The following EXOC2 variants were observed in gnomAD, a reference collection of about 807,000 sequenced individuals.
The protein encoded by EXOC2 is exocyst complex component 2, also known as SEC5-like 1.
Under a neutral mutation model 131.8 loss-of-function variants are expected in EXOC2, and 70 were observed. The observed-to-expected ratio is 0.53, with a 90% CI of 0.44 to 0.65. EXOC2 has a LOEUF of 0.65. Among genes scored for constraint, EXOC2 ranks in the 30% least tolerant of loss-of-function variants. The pLI is 0.00. For missense variants in EXOC2, 923 were observed against 1,108.6 expected (o/e 0.83, Z 2.38); for synonymous variants, 411 against 398.4 (o/e 1.03, Z -0.38).
At chr6:499,572 AT>A in intron 24 of EXOC2, 72 bp downstream of exon 24, 1 of 1,347,310 alleles carries the variant, frequency 7.4e-7, no homozygotes, top group Non-Finnish European at 1.0e-6. Context: ...CATAGAAATA[AT>A]CAAATTTACA....
chr6:664,139 G>A (rs757285056), intron 1 of EXOC2, among the ~76,000 whole-genome samples: 19 of 152,194 alleles, frequency 1.2e-4, no homozygotes, highest in Non-Finnish European at 2.6e-4. Context: ...TATAGCGAAA[G>A]CAACCAAGTG....
At chr6:658,772 T>C (rs1460878637) in intron 1 of EXOC2, among the ~76,000 whole-genome samples, 1 of 150,858 alleles carries the variant, frequency 6.6e-6, no homozygotes, top group Non-Finnish European at 1.5e-5. Context: ...AGCGATTCTC[T>C]TGCCTCAGCC....
chr6:593,762 G>C (rs1354738186), intron 10 of EXOC2, among the ~76,000 whole-genome samples: 1 of 152,208 alleles, frequency 6.6e-6, no homozygotes. Context: ...AATGGCTCCA[G>C]GCTGACCTTG....
Position 537,165 on chromosome 6 carries a change from C to T in EXOC2, c.2239-4555G>A, listed in dbSNP as rs150144880. 8.6e-5 allele frequency among the ~76,000 whole-genome samples: 13 copies of T among 151,868 alleles called. No homozygotes were observed. In the East Asian group the frequency reaches 1.4e-3, roughly 16 times the overall value. On this transcript the variant is annotated intron_variant, in intron 22 of 27. Coordinates refer to ENST00000230449, the MANE Select transcript of EXOC2 (RefSeq NM_018303.6). ...ATAACCGAGTTTATGACCGACGGAG[C>T]GTACACTTGAGTTGACGACCGACGG...
intron 11 of EXOC2, among the ~76,000 whole-genome samples, chr6:591,660 C>T (rs1243809816): frequency 6.6e-6 from 1 of 152,182 alleles, no homozygotes; most frequent in Admixed American, 6.5e-5. Flanking sequence ...GGTTATCTGT[C>T]TACCCTACTA....
intron 7 of EXOC2, among the ~76,000 whole-genome samples, chr6:603,040 C>T (rs1383098192): frequency 6.6e-6 from 1 of 152,198 alleles, no homozygotes; most frequent in African/African-American, 2.4e-5. Context: ...ATTATGCTTT[C>T]TCTTATTTCA....
Position 610,120 on chromosome 6 carries a change from C to T in EXOC2, c.720G>A (p.Gln240=). 6.2e-7 allele frequency: 1 copy of T among 1,614,042 alleles called. No individual in the cohort carries two copies. Among genetic ancestry groups the T allele is most frequent in the Non-Finnish European group, 8.5e-7 (1 of 1,179,998 alleles). ...GTEKVEGSMT[Q]KLENVLNRAS... ...TACTGTTCAGAACATTCTCCAGTTTCTGCGTCATGGATCCTTCTACTTTTT... is the reference window on the plus strand; with the variant it reads ...TACTGTTCAGAACATTCTCCAGTTTTTGCGTCATGGATCCTTCTACTTTTT... The change falls in exon 7 of 28, where the codon CAG becomes CAA. Residue 240 remains glutamine (Q), a synonymous_variant. Coordinates refer to ENST00000230449, the MANE Select transcript of EXOC2 (RefSeq NM_018303.6).
intron 11 of EXOC2, among the ~76,000 whole-genome samples, chr6:588,149 A>C (rs1413779900): frequency 6.6e-6 from 1 of 152,166 alleles, no homozygotes; most frequent in Non-Finnish European, 1.5e-5. Flanking sequence ...TAAGTTCAAA[A>C]AACCACCCCA....
At chr6:656,875 C>G in intron 1 of EXOC2, 1 of 1,604,638 alleles carries the variant, frequency 6.2e-7, no homozygotes, top group East Asian at 2.2e-5. Context: ...GCTAGCCTCG[C>G]GACGGTGCCG....
chr6:641,142 C>T (rs1388049575), intron 1 of EXOC2, among the ~76,000 whole-genome samples: 1 of 151,870 alleles, frequency 6.6e-6, no homozygotes, highest in Non-Finnish European at 1.5e-5. Flanking sequence ...GACAGGTAAA[C>T]CAGGGAGTGA....
At chr6:603,060 T>C (rs1021305830) in intron 7 of EXOC2, among the ~76,000 whole-genome samples, 1 of 152,188 alleles carries the variant, frequency 6.6e-6, no homozygotes, top group Non-Finnish European at 1.5e-5. Context: ...AAAGTGACCA[T>C]TTGGTCCTTT....
In EXOC2 at chr6:614,482, C is replaced by T. The variant is rs548374398; in HGVS notation, c.661+3229G>A. 2.6e-5 allele frequency among the ~76,000 whole-genome samples: 4 copies of T among 152,204 alleles called. No individual in the cohort carries two copies. In the South Asian group the frequency reaches 8.3e-4, roughly 32 times the overall value. ...AGACCTGCTCCATGAATCTCTATCC[C>T]TGGCTGACTATAACCTGTAATTTCC... On this transcript the variant is annotated intron_variant, in intron 6 of 27. Coordinates refer to ENST00000230449, the MANE Select transcript of EXOC2 (RefSeq NM_018303.6).
At chr6:652,190 T>TA (rs1180977379) in intron 1 of EXOC2, among the ~76,000 whole-genome samples, 1 of 152,192 alleles carries the variant, frequency 6.6e-6, no homozygotes, top group Non-Finnish European at 1.5e-5. Context: ...CCAAAGTGGT[T>TA]ATTAATAATT....
intron 23 of EXOC2, among the ~76,000 whole-genome samples, chr6:505,691 G>A (rs1764510439): frequency 6.6e-6 from 1 of 152,126 alleles, no homozygotes; most frequent in South Asian, 2.1e-4. Flanking sequence ...AGTCCTTTGT[G>A]TGATCACTCA....
intron 23 of EXOC2, among the ~76,000 whole-genome samples, chr6:511,747 C>A (rs1380797993): frequency 6.6e-6 from 1 of 152,236 alleles, no homozygotes; most frequent in Non-Finnish European, 1.5e-5. Context: ...GCAGCAAGGG[C>A]AGGAACAGTG....
intron 23 of EXOC2, among the ~76,000 whole-genome samples, chr6:515,355 C>T (rs1207266498): frequency 6.6e-6 from 1 of 152,230 alleles, no homozygotes; most frequent in African/African-American, 2.4e-5. Flanking sequence ...CATGTCTTAA[C>T]ATCTGTCCGT....
At chr6:508,402 C>T (rs896782855) in intron 23 of EXOC2, among the ~76,000 whole-genome samples, 10 of 152,164 alleles carry the variant, frequency 6.6e-5, no homozygotes, top group African/African-American at 2.4e-4. Context: ...CCAACCGTTA[C>T]GGTAACACAC....
intron 23 of EXOC2, among the ~76,000 whole-genome samples, chr6:501,697 A>C (rs1764212309): frequency 7.9e-6 from 1 of 126,270 alleles, no homozygotes; most frequent in Admixed American, 9.8e-5. Context: ...TAAAAGATAT[A>C]TATATCTCTA....
chr6:579,203 T>C (rs1386523245), intron 11 of EXOC2, among the ~76,000 whole-genome samples: 1 of 152,208 alleles, frequency 6.6e-6, no homozygotes, highest in Non-Finnish European at 1.5e-5. Context: ...AAAAGTTTTC[T>C]CCTTATAACT....
Sources: allele counts gnomAD v4.1 joint callset (sites outside exome capture counted in the v4.1 genomes callset), GRCh38; gene constraint gnomAD v4.1.1; transcripts MANE v1.5; gene names NCBI Gene and HGNC (gene_info 2026-07-23, HGNC 2026-07-21).